Variants in UST observed in about 807,000 individuals in gnomAD.
UST encodes chondroitin sulfate 2-O-sulfotransferase.
A neutral mutation model predicts 45.6 loss-of-function variants in UST; 21 were observed. That is an observed-to-expected ratio of 0.46 (90% CI 0.33 to 0.66). UST has a LOEUF of 0.66. Among genes scored for constraint, UST ranks in the 30% least tolerant of loss-of-function variants. UST has a pLI of 0.02. For synonymous variants in UST, 215 were observed against 200.6 expected (o/e 1.07, Z -0.61); for missense variants, 463 against 512.4 (o/e 0.90, Z 0.93).
chr6:148,860,784 A>G (rs1326718881), intron 1 of UST, among the ~76,000 whole-genome samples: 1 of 152,186 alleles, frequency 6.6e-6, no homozygotes, highest in South Asian at 2.1e-4. Context: ...TTCTGTTTAT[A>G]TGCTGGATTA....
chr6:148,760,745 A>C (rs75763564), intron 1 of UST, among the ~76,000 whole-genome samples: 46 of 151,882 alleles, frequency 3.0e-4, no homozygotes, highest in South Asian at 1.2e-3. Context: ...ACAAAAAAAA[A>C]CCACAAACAT....
chr6:148,935,464 TTAAAG>T (rs1388890867), intron 2 of UST, among the ~76,000 whole-genome samples: 1 of 152,156 alleles, frequency 6.6e-6, no homozygotes, highest in Non-Finnish European at 1.5e-5. Flanking sequence ...AATAGGAACA[TTAAAG>T]TAGAGGATAG....
intron 5 of UST, among the ~76,000 whole-genome samples, chr6:149,008,372 G>A (rs1775750260): frequency 6.6e-6 from 1 of 152,114 alleles, no homozygotes. Context: ...ATCTGTACAT[G>A]ATTCATGGTG....
At chr6:149,050,000 G>A (rs1473646212) in intron 7 of UST, among the ~76,000 whole-genome samples, 2 of 150,308 alleles carry the variant, frequency 1.3e-5, no homozygotes, top group East Asian at 3.9e-4. Context: ...GCTATAAAAT[G>A]TGTGTAGATT....
intron 1 of UST, among the ~76,000 whole-genome samples, chr6:148,863,028 A>G (rs1276745559): frequency 1.3e-5 from 2 of 152,064 alleles, no homozygotes; most frequent in Non-Finnish European, 2.9e-5. Context: ...TATTTCCTGA[A>G]TTTGAATGTT....
intron 7 of UST, among the ~76,000 whole-genome samples, chr6:149,062,155 G>A (rs1009326352): frequency 1.1e-4 from 17 of 152,184 alleles, no homozygotes; most frequent in African/African-American, 2.2e-4. Context: ...ATTTGCAAGC[G>A]TTCTGTCACC....
At chr6:148,902,262 T>G (rs771400689) in intron 2 of UST, among the ~76,000 whole-genome samples, 1 of 152,162 alleles carries the variant, frequency 6.6e-6, no homozygotes, top group Non-Finnish European at 1.5e-5. Context: ...GATTTCACTC[T>G]GTAACCCAGG....
In UST at chr6:149,073,813, C is replaced by A. The variant is rs549089255; in HGVS notation, c.938-20C>A. On this transcript the variant is annotated intron_variant, in intron 7 of 7. Coordinates refer to ENST00000367463, the MANE Select transcript of UST (RefSeq NM_005715.3). ...GCTACTGCAAATGATGGCTCATGTGCGACCCCGGTTCTCTTCCAGAGCACA... is the reference window on the plus strand; with the variant it reads ...GCTACTGCAAATGATGGCTCATGTGAGACCCCGGTTCTCTTCCAGAGCACA... 6.2e-7 allele frequency: 1 copy of A among 1,606,300 alleles called. No homozygotes were observed. The highest frequency in any genetic ancestry group is 8.5e-7 in the Non-Finnish European group (1 of 1,174,808).
chr6:148,879,871 G>A (rs1562287191), intron 1 of UST, among the ~76,000 whole-genome samples: 1 of 152,020 alleles, frequency 6.6e-6, no homozygotes. Context: ...TGTTTCATGG[G>A]GCATTCTCTA....
At chr6:148,841,324 A>T (rs1328365775) in intron 1 of UST, among the ~76,000 whole-genome samples, 1 of 152,090 alleles carries the variant, frequency 6.6e-6, no homozygotes, top group East Asian at 1.9e-4. Context: ...TTCTCTTATG[A>T]TTAATTTAAT....
intron 7 of UST, among the ~76,000 whole-genome samples, chr6:149,071,876 T>C (rs933017224): frequency 6.6e-6 from 1 of 152,080 alleles, no homozygotes; most frequent in African/African-American, 2.4e-5. Context: ...ACAAACAGCA[T>C]TTGTTGGACA....
chr6:148,940,495 A>G (rs1780104795), intron 2 of UST, among the ~76,000 whole-genome samples: 1 of 152,182 alleles, frequency 6.6e-6, no homozygotes, highest in African/African-American at 2.4e-5. Flanking sequence ...CCTGTCTAAA[A>G]AAATAAAAAA....
chr6:149,063,598 T>C (rs1776689173), intron 7 of UST, among the ~76,000 whole-genome samples: 1 of 152,184 alleles, frequency 6.6e-6, no homozygotes. Context: ...CCAGCATTTG[T>C]GGGTCTCCTA....
intron 1 of UST, among the ~76,000 whole-genome samples, chr6:148,781,303 C>T (rs1416842133): frequency 2.0e-5 from 3 of 152,192 alleles, no homozygotes; most frequent in African/African-American, 7.2e-5. Context: ...AGCCTCATTA[C>T]TGATACCGAG....
At chr6:148,845,982 C>G (rs1777979552) in intron 1 of UST, among the ~76,000 whole-genome samples, 1 of 137,674 alleles carries the variant, frequency 7.3e-6, no homozygotes. Context: ...AATAGGAACA[C>G]TTTTACACTG....
chr6:148,905,181 A>G (rs1779331898), intron 2 of UST, among the ~76,000 whole-genome samples: 1 of 152,198 alleles, frequency 6.6e-6, no homozygotes, highest in African/African-American at 2.4e-5. Context: ...CTTCGCAATG[A>G]TGGGTACAGA....
At chr6:149,060,986 G>A (rs1776645558) in intron 7 of UST, among the ~76,000 whole-genome samples, 1 of 152,170 alleles carries the variant, frequency 6.6e-6, no homozygotes, top group Non-Finnish European at 1.5e-5. Flanking sequence ...TAAAACAAGT[G>A]CAGATTGTTA....
chr6:148,930,539 C>T (rs1278346802), intron 2 of UST, among the ~76,000 whole-genome samples: 2 of 152,190 alleles, frequency 1.3e-5, no homozygotes, highest in African/African-American at 2.4e-5. Context: ...TCTGTGCCAC[C>T]TTTTATCTTC....
At chr6:148,822,783 A>G (rs1247262661) in intron 1 of UST, among the ~76,000 whole-genome samples, 2 of 152,260 alleles carry the variant, frequency 1.3e-5, no homozygotes, top group African/African-American at 2.4e-5. Context: ...TTTGCATTGA[A>G]AGCAAAAATC....
Sources: gnomAD v4.1 joint callset for allele counts (sites outside exome capture counted in the v4.1 genomes callset) on GRCh38, gnomAD v4.1.1 for gene constraint, MANE v1.5 for transcripts, NCBI Gene and HGNC (gene_info 2026-07-23, HGNC 2026-07-21) for gene names.